STAMBPL1: variants seen among roughly 807,000 people sequenced by gnomAD.
STAMBPL1 encodes STAM binding protein like 1, also known as AMSH-like protease.
STAMBPL1 carries 44 observed loss-of-function variants against 52.9 expected under a neutral mutation model. The ratio of observed to expected loss-of-function variants is 0.83; its 90% confidence interval spans 0.65 to 1.07. STAMBPL1 has a LOEUF of 1.07. Among genes scored for constraint, STAMBPL1 ranks in the 50% least tolerant of loss-of-function variants. The pLI is 0.00. For synonymous variants in STAMBPL1, 164 were observed against 177.3 expected (o/e 0.92, Z 0.60); for missense variants, 511 against 520.8 (o/e 0.98, Z 0.18).
chr10:88,923,307 A>G lies in STAMBPL1; in HGVS notation c.*83A>G. On this transcript the variant is annotated 3_prime_UTR_variant, in exon 11 of 11. Coordinates refer to ENST00000371926, the MANE Select transcript of STAMBPL1 (RefSeq NM_020799.4). ...CCGGATTTTCTTAAGATGTTTCCAG[A>G]AATGACTGATATTTTATATTTATAC... is the stretch of plus-strand genomic sequence containing the variant. 30 of 1,495,844 alleles carry G rather than the reference A, an allele frequency of 2.0e-5. No individual in the cohort carries two copies. Among genetic ancestry groups the G allele is most frequent in the Non-Finnish European group, 2.7e-5 (30 of 1,126,588 alleles). The allele number at this position is 1,495,844 out of a possible 1,614,324, so 92.7% of individuals were successfully genotyped here.
chr10:88,921,374 T>G lies in STAMBPL1; in HGVS notation c.1133T>G (p.Val378Gly). 6.2e-7 allele frequency: 1 copy of G among 1,613,106 alleles called. No individual in the cohort carries two copies. The highest frequency in any genetic ancestry group is 1.1e-5 in the South Asian group (1 of 91,058). The change falls in exon 9 of 11, where the codon GTT (valine) becomes GGT (glycine). Residue 378 changes from valine (V) to glycine (G), a missense_variant. Physicochemically the swap from Val to Gly is moderately radical, Grantham distance 109. This residue lies in a region of STAMBPL1 where 137 missense variants were observed against 139.9 expected (regional missense o/e 0.98). Coordinates refer to ENST00000371926, the MANE Select transcript of STAMBPL1 (RefSeq NM_020799.4). ...QLMLPEAIAI[V>G]CSPKHKDTGI... ...ATGTTGCCAGAGGCCATTGCCATTG[T>G]TTGCTCACCAAAGCATAAAGAGTAA...
At chr10:88,918,881 C>T (rs1224804659) in intron 8 of STAMBPL1, among the ~76,000 whole-genome samples, 1 of 152,094 alleles carries the variant, frequency 6.6e-6, no homozygotes, top group Non-Finnish European at 1.5e-5. Flanking sequence ...GGACATAATG[C>T]ATGCAATTAT....
chr10:88,903,949 G>T (rs995284707), intron 2 of STAMBPL1, among the ~76,000 whole-genome samples: 1 of 152,140 alleles, frequency 6.6e-6, no homozygotes, highest in Non-Finnish European at 1.5e-5. Flanking sequence ...GGTTCTATTG[G>T]CTATAAAATT....
chr10:88,907,767 A>G (rs1845111131), intron 3 of STAMBPL1, among the ~76,000 whole-genome samples: 2 of 152,236 alleles, frequency 1.3e-5, no homozygotes, highest in South Asian at 4.1e-4. Flanking sequence ...AACAACTTTT[A>G]AAGCTTCTTT....
intron 5 of STAMBPL1, among the ~76,000 whole-genome samples, chr10:88,911,692 CT>C (rs1845229572): frequency 6.6e-6 from 1 of 152,202 alleles, no homozygotes; most frequent in Non-Finnish European, 1.5e-5. Flanking sequence ...CTGACTCTCA[CT>C]TCAGTTCAAT....
At chr10:88,906,018 A>T (rs1236144744) in intron 3 of STAMBPL1, among the ~76,000 whole-genome samples, 1 of 152,212 alleles carries the variant, frequency 6.6e-6, no homozygotes, top group Non-Finnish European at 1.5e-5. Context: ...ACTACAGTGC[A>T]GCTCCATTTA....
At chr10:88,909,747 C>T (rs1406159376) in intron 4 of STAMBPL1, among the ~76,000 whole-genome samples, 2 of 152,048 alleles carry the variant, frequency 1.3e-5, no homozygotes, top group Non-Finnish European at 2.9e-5. Context: ...ATTACAGGCA[C>T]CTGCCACCAT....
chr10:88,910,119 G>T (rs1476600368), intron 4 of STAMBPL1, among the ~76,000 whole-genome samples: 3 of 152,026 alleles, frequency 2.0e-5, no homozygotes, highest in Non-Finnish European at 4.4e-5. Context: ...CATTTCCCTT[G>T]TTTATGCTTA....
intron 1 of STAMBPL1, among the ~76,000 whole-genome samples, chr10:88,897,210 CTG>C (rs1844833064): frequency 6.6e-6 from 1 of 152,206 alleles, no homozygotes; most frequent in Non-Finnish European, 1.5e-5. Context: ...CACATCCCCT[CTG>C]GGCACAGTCG....
At chr10:88,896,854 G>A (rs1844822881) in intron 1 of STAMBPL1, among the ~76,000 whole-genome samples, 1 of 136,246 alleles carries the variant, frequency 7.3e-6, no homozygotes, top group South Asian at 2.2e-4. Flanking sequence ...ACACATACAT[G>A]CACGCACGCA....
chr10:88,914,746 G>GAATAA (rs1193869964), intron 7 of STAMBPL1, 88 bp downstream of exon 7: 1 of 546,960 alleles, frequency 1.8e-6, no homozygotes, highest in Non-Finnish European at 2.6e-6. Flanking sequence ...AAGTGGAACA[G>GAATAA]AATAAAACCA....
intron 1 of STAMBPL1, among the ~76,000 whole-genome samples, chr10:88,894,400 G>A (rs186668105): frequency 9.1e-4 from 138 of 151,886 alleles, no homozygotes; most frequent in Non-Finnish European, 1.4e-3. Flanking sequence ...TTCTATTGAA[G>A]GCGACATAGT....
intron 8 of STAMBPL1, among the ~76,000 whole-genome samples, chr10:88,920,769 C>G (rs1845489987): frequency 6.6e-6 from 1 of 152,086 alleles, no homozygotes; most frequent in Non-Finnish European, 1.5e-5. Flanking sequence ...AAATGACAAT[C>G]CACAAAAGGA....
intron 8 of STAMBPL1, 40 bp downstream of exon 8, chr10:88,916,857 T>C (rs1239922326): frequency 8.9e-6 from 13 of 1,459,042 alleles, no homozygotes; most frequent in Non-Finnish European, 1.1e-5. Context: ...TTTGTGTGTG[T>C]GGCATGCTAT....
intron 8 of STAMBPL1, among the ~76,000 whole-genome samples, chr10:88,917,733 A>T (rs1462902247): frequency 6.6e-6 from 1 of 152,178 alleles, no homozygotes; most frequent in Non-Finnish European, 1.5e-5. Context: ...TGGATCTAGG[A>T]TAATGTCTTG....
Position 88,905,525 on chromosome 10 carries a change from G to C in STAMBPL1, c.113G>C (p.Cys38Ser), listed in dbSNP as rs529918735. ...ERVRALSKLGCNITISEDITP... is the reference protein window; with the variant it reads ...ERVRALSKLGSNITISEDITP... ...GTCCGTGCCCTAAGCAAGCTTGGTT[G>C]TAATATCACCATCAGTGAAGACATC... The change falls in exon 3 of 11, where the codon TGT becomes TCT. Residue 38 changes from cysteine to serine, a missense_variant. Coordinates refer to ENST00000371926, the MANE Select transcript of STAMBPL1 (RefSeq NM_020799.4). 1.2e-5 allele frequency: 20 copies of C among 1,614,130 alleles called. No individual in the cohort carries two copies. The highest frequency in any genetic ancestry group is 1.2e-4 in the African/African-American group (9 of 75,044).
chr10:88,901,704 A>G lies in STAMBPL1; in HGVS notation c.-5A>G, dbSNP rs61736945. The G allele has an allele frequency of 4.8e-4, 774 of 1,611,774 alleles. 5 individuals carry two copies. Among genetic ancestry groups the G allele is most frequent in the Middle Eastern group, 1.7e-4 (1 of 6,052 alleles). Reference sequence around the variant, plus strand: ...TGAACATCCTCATTTCACAGATAAGACAACATGGATCAGCCTTTTACTGTG... The same window carrying G: ...TGAACATCCTCATTTCACAGATAAGGCAACATGGATCAGCCTTTTACTGTG... On this transcript the variant is annotated 5_prime_UTR_variant, in exon 2 of 11. Transcript: ENST00000371926.
chr10:88,913,233 A>G lies in STAMBPL1; in HGVS notation c.553A>G (p.Lys185Glu). The G allele has an allele frequency of 6.2e-7, 1 of 1,613,906 alleles. No individual in the cohort carries two copies. Among genetic ancestry groups the G allele is most frequent in the Non-Finnish European group, 8.5e-7 (1 of 1,179,846 alleles). ...EQFLFFEDQL[K>E]KQELARGQMR... ...GTTTCTGTTTTTCGAAGATCAACTC[A>G]AGAAGCAAGAGTTAGCCCGAGGTCA... The change falls in exon 6 of 11, where the codon AAG becomes GAG. Residue 185 changes from lysine (K) to glutamate (E), a missense_variant. This residue lies in a region of STAMBPL1 where 358 missense variants were observed against 343.5 expected (regional missense o/e 1.04). Transcript: ENST00000371926.
intron 6 of STAMBPL1, 24 bp from the exon 7 acceptor site, chr10:88,914,509 CT>C (rs1386268759): frequency 5.5e-6 from 8 of 1,463,224 alleles, no homozygotes; most frequent in East Asian, 2.6e-5. Context: ...GTTTTTTAGC[CT>C]TTTCTCCCTT....
Sources: allele counts gnomAD v4.1 joint callset (sites outside exome capture counted in the v4.1 genomes callset), GRCh38; gene constraint gnomAD v4.1.1; regional missense constraint gnomAD v4.1.1; transcripts MANE v1.5; gene names NCBI Gene and HGNC (gene_info 2026-07-23, HGNC 2026-07-21).